The following KCNN2 variants were observed in gnomAD, a reference collection of about 807,000 sequenced individuals.
The protein encoded by KCNN2 is small conductance calcium-activated potassium channel protein 2.
Under a neutral mutation model 55.5 loss-of-function variants are expected in KCNN2, and 24 were observed. The ratio of observed to expected loss-of-function variants is 0.43; its 90% CI spans 0.31 to 0.61. The LOEUF (loss-of-function observed/expected upper bound fraction) is 0.61. KCNN2 is among the 20% of genes least tolerant of loss of function. The pLI, the probability that KCNN2 is intolerant of heterozygous loss-of-function variation, is 0.08. For synonymous variants in KCNN2, 431 were observed against 336.1 expected (o/e 1.28, Z -3.09); for missense variants, 754 against 853.6 (o/e 0.88, Z 1.45).
At chr5:114,158,694 A>G (rs1461980651) in intron 1 of KCNN2, among the ~76,000 whole-genome samples, 1 of 150,700 alleles carries the variant, frequency 6.6e-6, no homozygotes, top group Non-Finnish European at 1.5e-5. Context: ...AGTGGTTTGT[A>G]TTTCTCCTTG....
intron 2 of KCNN2, among the ~76,000 whole-genome samples, chr5:114,365,842 G>A (rs980277353): frequency 1.3e-5 from 2 of 151,076 alleles, no homozygotes; most frequent in Admixed American, 1.3e-4. Context: ...TGAAATGAGA[G>A]ATCTTGCTGG....
At chr5:114,420,611 G>A (rs115399202) in intron 3 of KCNN2, among the ~76,000 whole-genome samples, 4 of 152,112 alleles carry the variant, frequency 2.6e-5, no homozygotes, top group African/African-American at 7.2e-5. Flanking sequence ...CATAAACAAC[G>A]TTCATTCCTT....
chr5:114,099,060 T>A (rs1751321311), intron 1 of KCNN2, among the ~76,000 whole-genome samples: 1 of 152,156 alleles, frequency 6.6e-6, no homozygotes, highest in Non-Finnish European at 1.5e-5. Context: ...ATATTAGGCT[T>A]TTCTCCAAAG....
chr5:114,066,598 G>A (rs1489208419), intron 1 of KCNN2, among the ~76,000 whole-genome samples: 2 of 152,116 alleles, frequency 1.3e-5, no homozygotes, highest in African/African-American at 2.4e-5. Context: ...TTTTTGAGAC[G>A]AAATCTCGCT....
At chr5:114,481,702 T>C (rs905338134) in intron 5 of KCNN2, among the ~76,000 whole-genome samples, 1 of 151,976 alleles carries the variant, frequency 6.6e-6, no homozygotes, top group African/African-American at 2.4e-5. Context: ...AACAGACACA[T>C]AGACCAATGG....
intron 2 of KCNN2, among the ~76,000 whole-genome samples, chr5:114,287,557 A>G (rs1755779340): frequency 6.7e-6 from 1 of 148,310 alleles, no homozygotes; most frequent in African/African-American, 2.5e-5. Flanking sequence ...AGGAGAACAC[A>G]TGGACACATG....
chr5:114,430,363 T>C (rs1003093399), intron 3 of KCNN2, among the ~76,000 whole-genome samples: 1 of 152,120 alleles, frequency 6.6e-6, no homozygotes, highest in Non-Finnish European at 1.5e-5. Flanking sequence ...ATTATTCATT[T>C]ATTTGCTGCT....
At chr5:114,231,375 A>G (rs982938818) in intron 2 of KCNN2, among the ~76,000 whole-genome samples, 3 of 130,702 alleles carry the variant, frequency 2.3e-5, no homozygotes, top group African/African-American at 9.5e-5. Context: ...TATGTCCTGA[A>G]TGGTAATGCC....
At chr5:114,221,750 A>G (rs564752124) in intron 2 of KCNN2, among the ~76,000 whole-genome samples, 1 of 152,280 alleles carries the variant, frequency 6.6e-6, no homozygotes, top group African/African-American at 2.4e-5. Context: ...TCACTAGCCC[A>G]CCACCACTGC....
At chr5:114,455,319 A>T (rs1385098412) in intron 3 of KCNN2, among the ~76,000 whole-genome samples, 1 of 152,094 alleles carries the variant, frequency 6.6e-6, no homozygotes, top group Non-Finnish European at 1.5e-5. Flanking sequence ...TGTACCTCTT[A>T]TGGTGATTTA....
chr5:114,410,447 A>G (rs567699127), intron 3 of KCNN2, among the ~76,000 whole-genome samples: 14 of 152,290 alleles, frequency 9.2e-5, no homozygotes, highest in African/African-American at 2.6e-4. Flanking sequence ...AGCATTTAGT[A>G]TATGTATATG....
In KCNN2 at chr5:114,113,726, C is replaced by T. The variant is rs1018195666; in HGVS notation, c.-271+57226C>T. Among the ~76,000 whole-genome samples, 3 of 152,076 alleles carry T rather than the reference C, an allele frequency of 2.0e-5. No individual in the cohort carries two copies. In the East Asian group the frequency reaches 5.8e-4, roughly 29 times the overall value. ...GAGGAAGGCAGATATATGGGAGAAT[C>T]TAATGGAAGATCCAGGTTATTTTAG... On this transcript the variant is annotated intron_variant, in intron 1 of 10. Coordinates refer to the KCNN2 transcript ENST00000512097.
In KCNN2 at chr5:114,232,480, T is replaced by C. The variant is rs995564000; in HGVS notation, c.-185+10915T>C. On this transcript the variant is annotated intron_variant, in intron 2 of 10. Coordinates refer to the KCNN2 transcript ENST00000512097. ...CGTTTTGCCTTCCAGTCTGTCCACA[T>C]GTACTCCAGGCTTATAACTTCCTCT... is the stretch of plus-strand genomic sequence containing the variant. Among the ~76,000 whole-genome samples, 9 of 151,126 alleles carry C rather than the reference T, an allele frequency of 6.0e-5. 1 individual carries two copies. The highest frequency in any genetic ancestry group is 1.7e-4 in the African/African-American group (7 of 40,444).
chr5:114,343,873 C>G (rs1464637500), intron 2 of KCNN2, among the ~76,000 whole-genome samples: 2 of 152,120 alleles, frequency 1.3e-5, no homozygotes, highest in Non-Finnish European at 1.5e-5. Context: ...GCAGGGATGC[C>G]TGATAGTCTG....
intron 2 of KCNN2, among the ~76,000 whole-genome samples, chr5:114,287,596 C>T (rs774973645): frequency 1.2e-3 from 108 of 89,526 alleles, no homozygotes; most frequent in Non-Finnish European, 1.7e-3. Flanking sequence ...TGGGGCCTGT[C>T]GGGGGATGGG....
intron 3 of KCNN2, among the ~76,000 whole-genome samples, chr5:114,426,087 C>T (rs1759615674): frequency 6.6e-6 from 1 of 151,738 alleles, no homozygotes; most frequent in African/African-American, 2.4e-5. Context: ...GGAGCTGAGG[C>T]AGGAGGGTTG....
intron 2 of KCNN2, among the ~76,000 whole-genome samples, chr5:114,319,707 C>T (rs1224536748): frequency 6.6e-6 from 1 of 152,200 alleles, no homozygotes; most frequent in African/African-American, 2.4e-5. Flanking sequence ...TTGCTCCTCG[C>T]TTCTAAATCA....
chr5:114,188,211 A>G (rs1753379057), intron 1 of KCNN2, among the ~76,000 whole-genome samples: 1 of 152,174 alleles, frequency 6.6e-6, no homozygotes, highest in Non-Finnish European at 1.5e-5. Flanking sequence ...CCTTCCTGGC[A>G]CTTTAGGGTT....
chr5:114,241,621 A>C (rs899043832), intron 2 of KCNN2, among the ~76,000 whole-genome samples: 22 of 150,320 alleles, frequency 1.5e-4, no homozygotes, highest in African/African-American at 4.9e-4. Context: ...TGTCTTTCAC[A>C]ATAGGCAAAA....
Sources: allele counts gnomAD v4.1 joint callset (sites outside exome capture counted in the v4.1 genomes callset), GRCh38; gene constraint gnomAD v4.1.1; transcripts MANE v1.5; gene names NCBI Gene and HGNC (gene_info 2026-07-23, HGNC 2026-07-21).